NMT2: variants seen among roughly 807,000 people sequenced by gnomAD.
NMT2 encodes the protein glycylpeptide N-tetradecanoyltransferase 2.
In NMT2, 35 loss-of-function variants were observed where a neutral mutation model predicts 65.4. The observed-to-expected ratio is 0.54, with a 90% CI of 0.41 to 0.71. The LOEUF is 0.71. Ranked by LOEUF, NMT2 falls within the 30% of genes least tolerant of loss-of-function variation. The pLI, the probability that NMT2 is intolerant of heterozygous loss-of-function variation, is 0.00. For missense variants in NMT2, 489 were observed against 611.3 expected, an observed-to-expected ratio of 0.80 and a Z score of 2.11; for synonymous variants, 226 against 231.8, an observed-to-expected ratio of 0.98 and a Z score of 0.23.
intron 1 of NMT2, among the ~76,000 whole-genome samples, chr10:15,165,323 T>C (rs1564596527): frequency 1.3e-5 from 2 of 152,200 alleles, no homozygotes; most frequent in South Asian, 4.1e-4. Flanking sequence ...CCAGGCTCCT[T>C]CAAGCTCTTT....
At position 15,135,355 on chromosome 10, in the gene NMT2, A is replaced by C. The variant is rs1846442981; in HGVS notation, c.310T>G (p.Cys104Gly). The C allele has an allele frequency of 6.2e-7, 1 of 1,614,174 alleles. No homozygotes were observed. Among genetic ancestry groups the C allele is most frequent in the Non-Finnish European group, 8.5e-7 (1 of 1,180,020 alleles). The change falls in exon 3 of 12, where the codon TGC becomes GGC. Residue 104 changes from cysteine (C) to glycine (G), a missense_variant. Transcript: ENST00000378165. ...IQRAMELLSA[C>G]QGPARNIDEA... ...TCAATGTTCCTGGCTGGGCCCTGGC[A>C]TGCGGATAGCAGCTCCATTGCTCTC...
Position 15,110,907 on chromosome 10 carries a change from C to T in NMT2, c.1339-1068G>A, listed in dbSNP as rs76774326. Among the ~76,000 whole-genome samples the T allele has an allele frequency of 3.7e-3, 557 of 152,242 alleles. 9 individuals carry two copies. Among genetic ancestry groups the T allele is most frequent in the East Asian group, 0.035 (180 of 5,160 alleles). Reference sequence around the variant, plus strand: ...CCAGATTTAAGCAATTCTCCTGCCTCAAACTTCCTAGTAGCTGGCATTACA... The same window carrying T: ...CCAGATTTAAGCAATTCTCCTGCCTTAAACTTCCTAGTAGCTGGCATTACA... On this transcript the variant is annotated intron_variant, in intron 10 of 11. Coordinates refer to ENST00000378165, the MANE Select transcript of NMT2 (RefSeq NM_004808.3).
At chr10:15,113,878 A>G (rs1432621565) in intron 9 of NMT2, among the ~76,000 whole-genome samples, 1 of 152,194 alleles carries the variant, frequency 6.6e-6, no homozygotes, top group Non-Finnish European at 1.5e-5. Flanking sequence ...AGCTTCCAAT[A>G]CAAGAAATTA....
chr10:15,153,411 T>C (rs1269773020), intron 1 of NMT2, among the ~76,000 whole-genome samples: 1 of 152,226 alleles, frequency 6.6e-6, no homozygotes, highest in African/African-American at 2.4e-5. Context: ...CATGCTCCCA[T>C]CCTTGCCACC....
chr10:15,162,954 CAG>C (rs1169242716), intron 1 of NMT2, among the ~76,000 whole-genome samples: 1 of 150,810 alleles, frequency 6.6e-6, no homozygotes, highest in East Asian at 1.9e-4. Flanking sequence ...TATTTTTAGA[CAG>C]AGTCTCATTC....
In NMT2 at chr10:15,141,515, T is replaced by C. The variant is rs200967166; in HGVS notation, c.153A>G (p.Lys51=). The C allele has an allele frequency of 9.3e-6, 15 of 1,614,176 alleles. No homozygotes were observed. Among genetic ancestry groups the C allele is most frequent in the Middle Eastern group, 1.6e-4 (1 of 6,062 alleles). Residue 51 remains lysine, a synonymous_variant, in exon 2 of 12, where the codon AAA becomes AAG. Coordinates refer to ENST00000378165, the MANE Select transcript of NMT2 (RefSeq NM_004808.3). ...GYLGAKKKKK[K]QKRKKEKPNS... Reference sequence around the variant, plus strand: ...TTGGTTTCTCCTTTTTTCTCTTCTGTTTCTTCTTTTTCTTTTTGGCTCCCA... The same window carrying C: ...TTGGTTTCTCCTTTTTTCTCTTCTGCTTCTTCTTTTTCTTTTTGGCTCCCA...
chr10:15,168,274 G>C, intron 1 of NMT2: 12 of 338,894 alleles, frequency 3.5e-5, no homozygotes, highest in East Asian at 1.2e-4. Context: ...GCGTCTCCCC[G>C]CCCGGGCCCC....
chr10:15,117,081 C>T (rs1338354400), intron 9 of NMT2, among the ~76,000 whole-genome samples: 1 of 152,130 alleles, frequency 6.6e-6, no homozygotes, highest in East Asian at 1.9e-4. Context: ...ATCTTGATAT[C>T]TAAACCAGAC....
intron 9 of NMT2, among the ~76,000 whole-genome samples, chr10:15,117,490 G>A (rs896446865): frequency 2.0e-5 from 3 of 152,110 alleles, no homozygotes; most frequent in African/African-American, 7.2e-5. Flanking sequence ...AGAACACGAC[G>A]AGGATGACAA....
Position 15,128,329 on chromosome 10 carries a change from C to T in NMT2, c.999+21G>A, listed in dbSNP as rs1268793238. On this transcript the variant is annotated intron_variant, in intron 8 of 11. Coordinates refer to ENST00000378165, the MANE Select transcript of NMT2 (RefSeq NM_004808.3). ...CGTCAGTTGTTACAGCTTCAAAAAA[C>T]TGCAAATCATTCTTACTTACATCTG... is the stretch of plus-strand genomic sequence containing the variant. 4 of 1,373,520 alleles carry T rather than the reference C, an allele frequency of 2.9e-6. No individual in the cohort carries two copies. The East Asian group carries it at 9.1e-5, about 31-fold the overall frequency. 85.1% of individuals were successfully genotyped at this position (1,373,520 alleles called of 1,614,324 possible). A position where few individuals can be genotyped will look rare whatever the true frequency, so the allele number is the denominator to read the frequency against.
In NMT2 at chr10:15,112,201, TATATATATATATATA is replaced by T. The variant is rs369567697; in HGVS notation, c.1338+580_1338+594del. 5.6e-3 allele frequency among the ~76,000 whole-genome samples: 95 copies of T among 16,890 alleles called. 1 individual carries two copies. The highest frequency in any genetic ancestry group is 0.012 in the South Asian group (7 of 576). The allele number at this position is 16,890 out of a possible 152,430, so 11.1% of individuals were successfully genotyped here. A position where few individuals can be genotyped will look rare whatever the true frequency, so the allele number is the denominator to read the frequency against. On this transcript the variant is annotated intron_variant, in intron 10 of 11. Transcript: ENST00000378165. ...ATATATATATATATATATATATATA[TATATATATATATATA>T]TTTTTTTTTTTTTTTTTTTTTTTTT...
chr10:15,136,680 T>C (rs1165974733), intron 2 of NMT2, among the ~76,000 whole-genome samples: 1 of 152,154 alleles, frequency 6.6e-6, no homozygotes, highest in Non-Finnish European at 1.5e-5. Context: ...ATTTCCTCTG[T>C]ACTTCAGATC....
chr10:15,166,699 C>A (rs1833388083), intron 1 of NMT2, among the ~76,000 whole-genome samples: 3 of 152,182 alleles, frequency 2.0e-5, no homozygotes, highest in Admixed American at 2.0e-4. Context: ...GTCCATGGGG[C>A]ATCTCTAAAT....
chr10:15,157,761 T>C (rs76007895), intron 1 of NMT2, among the ~76,000 whole-genome samples: 27 of 152,354 alleles, frequency 1.8e-4, no homozygotes, highest in Middle Eastern at 3.4e-3. Flanking sequence ...AATTAATTCA[T>C]TGACCCATTA....
In NMT2 at chr10:15,160,448, A is replaced by ACATG. The variant is rs370778190; in HGVS notation, c.110+8051_110+8054dup. 6.0e-3 allele frequency among the ~76,000 whole-genome samples: 912 copies of ACATG among 152,192 alleles called. 10 individuals carry two copies. The highest frequency in any genetic ancestry group is 0.021 in the African/African-American group (856 of 41,516). ...TTAAGACCCCAAGAAACCCCCATGA[A>ACATG]CATGTATCAGCTCAGGCCATTTTGT... On this transcript the variant is annotated intron_variant, in intron 1 of 11. Transcript: ENST00000378165.
chr10:15,162,466 T>C (rs1293367339), intron 1 of NMT2, among the ~76,000 whole-genome samples: 3 of 152,120 alleles, frequency 2.0e-5, no homozygotes, highest in South Asian at 2.1e-4. Context: ...TTAATTCAAA[T>C]AAAATAAAAA....
chr10:15,139,863 CTATATATATATATA>C (rs201561074), intron 2 of NMT2: 697 of 69,622 alleles, frequency 0.01, 28 homozygotes, highest in African/African-American at 0.019. Flanking sequence ...GTAACAACTA[CTATATATATATATA>C]TATATATATA....
intron 8 of NMT2, among the ~76,000 whole-genome samples, chr10:15,126,491 T>C (rs1027956807): frequency 2.6e-5 from 4 of 151,608 alleles, no homozygotes; most frequent in Non-Finnish European, 4.4e-5. Flanking sequence ...ATCACCTGCA[T>C]AGGGTTCTGA....
At chr10:15,135,197 T>G (rs1325708811) in intron 3 of NMT2, 77 bp downstream of exon 3, 81 of 1,297,488 alleles carry the variant, frequency 6.2e-5, no homozygotes, top group African/African-American at 3.1e-4. Context: ...TGTGTTTTGT[T>G]GTTGTTGTTG....
Sources: allele counts gnomAD v4.1 joint callset (sites outside exome capture counted in the v4.1 genomes callset), GRCh38; gene constraint gnomAD v4.1.1; transcripts MANE v1.5; gene names NCBI Gene and HGNC (gene_info 2026-07-23, HGNC 2026-07-21).